The following COL6A6 variants were observed in gnomAD, a reference collection of about 807,000 sequenced individuals.
COL6A6 encodes collagen type VI alpha 6 chain.
A neutral mutation model predicts 208.6 loss-of-function variants in COL6A6; 183 were observed. The observed-to-expected ratio is 0.88, with a 90% CI of 0.78 to 0.99. The LOEUF (loss-of-function observed/expected upper bound fraction) is 0.99. Among genes scored for constraint, COL6A6 ranks in the 50% least tolerant of loss-of-function variants. The pLI, the probability that COL6A6 is intolerant of heterozygous loss-of-function variation, is 0.00. For missense variants in COL6A6, 2,816 were observed against 2,815.2 expected (o/e 1.00, Z -0.01); for synonymous variants, 973 against 1,011.8 (o/e 0.96, Z 0.73).
chr3:130,565,579 CTG>C lies in COL6A6; in HGVS notation c.1249_1250del (p.Val417LeufsTer6). 1.2e-6 allele frequency: 2 copies of C among 1,613,532 alleles called. No individual in the cohort carries two copies. The highest frequency in any genetic ancestry group is 1.6e-4 in the Middle Eastern group (1 of 6,062). ...CGGAACCAAATAACACACACAGTCT[CTG>C]TCTTTTCAGAGAGGACTGAAACGCT... is the stretch of plus-strand genomic sequence containing the variant. On this transcript the variant is annotated frameshift_variant, in exon 4 of 37. Transcript: ENST00000358511. LOFTEE classifies it high-confidence loss of function.
In COL6A6 at chr3:130,563,255, C is replaced by T. The variant is rs1354774195; in HGVS notation, c.252C>T (p.Phe84=). ...KLHSEFHLST[F]KGRSPMLNHL... ...ACAGTGAATTCCACCTGAGCACCTT[C>T]AAAGGCAGGAGCCCCATGCTGAACC... is the stretch of plus-strand genomic sequence containing the variant. Residue 84 remains phenylalanine, a synonymous_variant, in exon 3 of 37, where the codon TTC becomes TTT. Transcript: ENST00000358511. The T allele has an allele frequency of 2.5e-6, 4 of 1,613,936 alleles. No individual in the cohort carries two copies. Among genetic ancestry groups the T allele is most frequent in the Non-Finnish European group, 2.5e-6 (3 of 1,179,914 alleles).
intron 23 of COL6A6, among the ~76,000 whole-genome samples, chr3:130,611,765 A>G (rs1031589476): frequency 1.2e-4 from 18 of 152,222 alleles, no homozygotes; most frequent in African/African-American, 4.1e-4. Context: ...ATAAACTTGT[A>G]TCTCATGACA....
At chr3:130,674,064 T>G (rs542339801) in intron 36 of COL6A6, among the ~76,000 whole-genome samples, 147 of 152,340 alleles carry the variant, frequency 9.6e-4, no homozygotes, top group Non-Finnish European at 2.0e-3. Context: ...GTCACTCTAG[T>G]TAAATGATTT....
chr3:130,531,847 A>G (rs1383902064), intron 1 of COL6A6, among the ~76,000 whole-genome samples: 1 of 152,216 alleles, frequency 6.6e-6, no homozygotes, highest in African/African-American at 2.4e-5. Context: ...AGCAGAGTCT[A>G]CCTCATAGAG....
Position 130,675,265 on chromosome 3 carries a change from T to C in COL6A6, c.6660T>C (p.Phe2220=), listed in dbSNP as rs760080951. ...ATGTATTACAGAAGGCAAAATTCTTTCAAGATAAAAAATATCTTTCAAGAG... is the reference window on the plus strand; with the variant it reads ...ATGTATTACAGAAGGCAAAATTCTTCCAAGATAAAAAATATCTTTCAAGAG... ...KEDVLQKAKF[F]QDKKYLSRVA... is the part of the protein sequence containing the mutation. The change falls in exon 37 of 37, where the codon TTT becomes TTC. Residue 2220 remains phenylalanine (F), a synonymous_variant. Coordinates refer to ENST00000358511, the MANE Select transcript of COL6A6 (RefSeq NM_001102608.3). 4 of 1,586,098 alleles carry C rather than the reference T, an allele frequency of 2.5e-6. No individual in the cohort carries two copies. The South Asian group carries it at 4.6e-5, about 18-fold the overall frequency.
chr3:130,525,996 AT>A (rs11314176), intron 1 of COL6A6, among the ~76,000 whole-genome samples: 119,770 of 151,726 alleles, frequency 0.79, 48,780 homozygotes, highest in Non-Finnish European at 0.91. Context: ...GTTATTAAGC[AT>A]TTTTTTTTAA....
intron 1 of COL6A6, among the ~76,000 whole-genome samples, chr3:130,532,855 G>A (rs1012160819): frequency 4.6e-5 from 7 of 152,088 alleles, no homozygotes; most frequent in Non-Finnish European, 1.0e-4. Flanking sequence ...TGGGCTGGGA[G>A]GGCTGGATCA....
chr3:130,576,709 G>T (rs1296914457), intron 8 of COL6A6, among the ~76,000 whole-genome samples: 1 of 152,146 alleles, frequency 6.6e-6, no homozygotes, highest in Non-Finnish European at 1.5e-5. Flanking sequence ...TAAACTTGAG[G>T]TTATTACTTC....
chr3:130,636,737 C>T (rs1425029081), intron 28 of COL6A6, among the ~76,000 whole-genome samples: 3 of 124,600 alleles, frequency 2.4e-5, no homozygotes, highest in Non-Finnish European at 3.4e-5. Context: ...CCTCTTCCTC[C>T]CCTTCCCCCT....
chr3:130,519,108 T>C (rs995049848), intron 1 of COL6A6, among the ~76,000 whole-genome samples: 7 of 152,340 alleles, frequency 4.6e-5, no homozygotes, highest in East Asian at 1.9e-4. Flanking sequence ...AAAGTTTCAG[T>C]ATTTTGAATA....
intron 33 of COL6A6, among the ~76,000 whole-genome samples, chr3:130,649,872 T>C (rs1408933490): frequency 6.6e-6 from 1 of 152,174 alleles, no homozygotes; most frequent in African/African-American, 2.4e-5. Context: ...GAAATGGCAG[T>C]GTCAGAACTT....
chr3:130,529,115 A>G (rs1362444018), intron 1 of COL6A6, among the ~76,000 whole-genome samples: 1 of 151,938 alleles, frequency 6.6e-6, no homozygotes, highest in Non-Finnish European at 1.5e-5. Flanking sequence ...GCTGAGAGCC[A>G]CTCTGGGCCT....
At chr3:130,647,872 C>G (rs2065507613) in intron 32 of COL6A6, among the ~76,000 whole-genome samples, 1 of 152,258 alleles carries the variant, frequency 6.6e-6, no homozygotes, top group African/African-American at 2.4e-5. Context: ...AATCCCAGCA[C>G]TAGGCATCTC....
chr3:130,663,029 G>A (rs889484334), intron 35 of COL6A6, among the ~76,000 whole-genome samples: 13 of 152,134 alleles, frequency 8.5e-5, no homozygotes, highest in African/African-American at 3.1e-4. Context: ...ACTTGCAAAC[G>A]TTTTCATGGT....
Position 130,565,040 on chromosome 3 carries a change from GTCAA to G in COL6A6, c.714_717del (p.Ile238MetfsTer23). Reference sequence around the variant, plus strand: ...CCGATGTTGTGTTCCTATTGGATATGTCAATCAATGGAAGTGAGGAGAACTTTGA... The same window carrying G: ...CCGATGTTGTGTTCCTATTGGATATGTCAATGGAAGTGAGGAGAACTTTGA... On this transcript the variant is annotated frameshift_variant, in exon 4 of 37. Coordinates refer to ENST00000358511, the MANE Select transcript of COL6A6 (RefSeq NM_001102608.3). LOFTEE classifies it high-confidence loss of function. The G allele has an allele frequency of 7.4e-6, 12 of 1,613,982 alleles. No individual in the cohort carries two copies. The highest frequency in any genetic ancestry group is 1.0e-5 in the Non-Finnish European group (12 of 1,179,868).
intron 24 of COL6A6, among the ~76,000 whole-genome samples, chr3:130,623,487 G>T (rs1015889629): frequency 2.6e-5 from 4 of 152,196 alleles, no homozygotes; most frequent in African/African-American, 7.2e-5. Flanking sequence ...AAGTCTGAGA[G>T]AATGAAAGCT....
intron 33 of COL6A6, among the ~76,000 whole-genome samples, 185 bp downstream of exon 33, chr3:130,649,747 T>C (rs1259748225): frequency 6.8e-6 from 1 of 146,378 alleles, no homozygotes; most frequent in East Asian, 2.1e-4. Context: ...TTCTATTAAA[T>C]GGGATAATGT....
chr3:130,590,461 TC>T (rs2063678584), intron 12 of COL6A6, among the ~76,000 whole-genome samples: 1 of 84,738 alleles, frequency 1.2e-5, no homozygotes, highest in African/African-American at 4.3e-5. Flanking sequence ...TCCCTCTCCC[TC>T]CCCCCACCCC....
At chr3:130,589,372 T>A (rs969745770) in intron 12 of COL6A6, among the ~76,000 whole-genome samples, 190 bp downstream of exon 12, 2 of 152,226 alleles carry the variant, frequency 1.3e-5, no homozygotes, top group African/African-American at 4.8e-5. Flanking sequence ...GAGTCTTTTT[T>A]AAAAGTTTTT....
Sources: gnomAD v4.1 joint callset for allele counts (sites outside exome capture counted in the v4.1 genomes callset) on GRCh38, gnomAD v4.1.1 for gene constraint, MANE v1.5 for transcripts, NCBI Gene and HGNC (gene_info 2026-07-23, HGNC 2026-07-21) for gene names.